The following TMEM14B variants were observed in gnomAD, a reference collection of about 807,000 sequenced individuals.
TMEM14B encodes transmembrane protein 14B.
Under a neutral mutation model 14.8 loss-of-function variants are expected in TMEM14B, and 9 were observed. The observed-to-expected ratio is 0.61, with a 90% CI of 0.37 to 1.06. The LOEUF is 1.06. TMEM14B is among the 50% of genes least tolerant of loss of function. TMEM14B has a pLI of 0.01. For missense variants in TMEM14B, 128 were observed against 143.6 expected (o/e 0.89, Z 0.56); for synonymous variants, 40 against 51.3 (o/e 0.78, Z 0.94).
In TMEM14B at chr6:10,749,717, T is replaced by C. The variant is rs1229914356; in HGVS notation, c.100+19T>C. 6.2e-7 allele frequency: 1 copy of C among 1,613,582 alleles called. No homozygotes were observed. The highest frequency in any genetic ancestry group is 1.3e-5 in the African/African-American group (1 of 75,032). On this transcript the variant is annotated intron_variant, in intron 3 of 5. Transcript: ENST00000379542. The stretch of plus-strand genomic sequence containing the variant: ...AAAACAGGTAGGGTTTTGTTGTTAC[T>C]TAGCCTCTTAACATCTTCACGTTGT...
intron 4 of TMEM14B, among the ~76,000 whole-genome samples, chr6:10,753,361 A>G (rs1399499030): frequency 1.3e-5 from 2 of 152,064 alleles, no homozygotes; most frequent in African/African-American, 4.8e-5. Flanking sequence ...GTGTTTGTAC[A>G]AAATCCAATG....
chr6:10,755,785 C>T lies in TMEM14B; in HGVS notation c.293+553C>T, dbSNP rs551356179. 86 of 518,622 alleles carry T rather than the reference C, an allele frequency of 1.7e-4. No individual in the cohort carries two copies. In the African/African-American group the frequency reaches 1.7e-3, roughly 11 times the overall value. 32.1% of individuals were successfully genotyped at this position (518,622 alleles called of 1,614,324 possible). ...GCCTGGCCAACATGGTGAAACTCCT[C>T]TCTATGAAAAATACAAAAATTAGGT... On this transcript the variant is annotated intron_variant, in intron 5 of 5. Coordinates refer to ENST00000379542, the MANE Select transcript of TMEM14B (RefSeq NM_030969.5).
intron 1 of TMEM14B, among the ~76,000 whole-genome samples, chr6:10,748,100 T>A (rs944063780): frequency 6.6e-5 from 10 of 152,174 alleles, no homozygotes; most frequent in Admixed American, 1.3e-4. Flanking sequence ...AGGCTTACCC[T>A]TGTAGCATAG....
chr6:10,748,134 T>C (rs900084110), intron 1 of TMEM14B, among the ~76,000 whole-genome samples: 4 of 152,200 alleles, frequency 2.6e-5, no homozygotes, highest in Non-Finnish European at 4.4e-5. Context: ...CCTGGTGGTT[T>C]TGTTGCTCCA....
rs1262857988 is a variant in TMEM14B, at chr6:10,747,874, T to A, written c.-52T>A. 1 of 152,320 alleles carries A rather than the reference T, an allele frequency of 6.6e-6. No homozygotes were observed. Among genetic ancestry groups the A allele is most frequent in the African/African-American group, 2.4e-5 (1 of 41,478 alleles). 9.4% of individuals were successfully genotyped at this position (152,320 alleles called of 1,614,324 possible). On this transcript the variant is annotated 5_prime_UTR_variant, in exon 1 of 6. Coordinates refer to ENST00000379542, the MANE Select transcript of TMEM14B (RefSeq NM_030969.5). ...CGCTCCGTAGTGGACTCCGCGGGCC[T>A]TCGGCAGGTCGGTGCAGGTCTTTGG...
intron 3 of TMEM14B, 32 bp downstream of exon 3, chr6:10,749,730 A>T (rs1355133706): frequency 6.2e-7 from 1 of 1,611,714 alleles, no homozygotes; most frequent in Admixed American, 1.7e-5. Context: ...GCCTCTTAAC[A>T]TCTTCACGTT....
intron 5 of TMEM14B, chr6:10,755,544 C>A (rs1771772173): frequency 7.4e-7 from 1 of 1,343,462 alleles, no homozygotes; most frequent in African/African-American, 1.5e-5. Context: ...GTGGGGGTCC[C>A]ATATTTCTTA....
chr6:10,748,538 C>T (rs987323840), intron 1 of TMEM14B, among the ~76,000 whole-genome samples: 1 of 152,216 alleles, frequency 6.6e-6, no homozygotes, highest in African/African-American at 2.4e-5. Context: ...CAGGCGTGAG[C>T]CACTTTGCCT....
chr6:10,755,569 T>C (rs1771772810), intron 5 of TMEM14B: 1 of 1,274,986 alleles, frequency 7.8e-7, no homozygotes, highest in African/African-American at 1.5e-5. Context: ...TGTAGGTGTC[T>C]TTTGTAGAAA....
In TMEM14B at chr6:10,749,195, T is replaced by A; in HGVS notation, c.-44-7T>A. 6.2e-7 allele frequency: 1 copy of A among 1,602,490 alleles called. No individual in the cohort carries two copies. On this transcript the variant is annotated splice_polypyrimidine_tract_variant and splice_region_variant and intron_variant, in intron 1 of 5. Coordinates refer to ENST00000379542, the MANE Select transcript of TMEM14B (RefSeq NM_030969.5). ...TAACCACTGCTGATCCGGCTTGTTTTCCCCAGATGCAGGCCTGGGGTAGTC... is the reference window on the plus strand; with the variant it reads ...TAACCACTGCTGATCCGGCTTGTTTACCCCAGATGCAGGCCTGGGGTAGTC...
chr6:10,749,202 A>T lies in TMEM14B; in HGVS notation c.-44A>T, dbSNP rs761223223. ...TGCTGATCCGGCTTGTTTTCCCCAG[A>T]TGCAGGCCTGGGGTAGTCTCCTTTC... On this transcript the variant is annotated splice_region_variant and 5_prime_UTR_variant, in exon 2 of 6. The change abolishes an upstream ATG in the 5' untranslated region. Transcript: ENST00000379542. The T allele has an allele frequency of 5.0e-6, 8 of 1,609,630 alleles. No homozygotes were observed. In the Admixed American group the frequency reaches 1.2e-4, roughly 24 times the overall value.
chr6:10,749,658 A>C lies in TMEM14B; in HGVS notation c.60A>C (p.Ala20=), dbSNP rs1346232971. 2 of 1,614,240 alleles carry C rather than the reference A, an allele frequency of 1.2e-6. No individual in the cohort carries two copies. Among genetic ancestry groups the C allele is most frequent in the Admixed American group, 1.7e-5 (1 of 60,032 alleles). ...ATTGGTTTGGCTTTGGCTACACAGCACTGGTTGTTTCTGGTGGGATCGTTG... is the reference window on the plus strand; with the variant it reads ...ATTGGTTTGGCTTTGGCTACACAGCCCTGGTTGTTTCTGGTGGGATCGTTG... ...PLHWFGFGYT[A]LVVSGGIVGY... The change falls in exon 3 of 6, where the codon GCA becomes GCC. Residue 20 remains alanine (A), a synonymous_variant. Transcript: ENST00000379542.
downstream of TMEM14B, among the ~76,000 whole-genome samples, chr6:10,758,483 C>T (rs147717852): frequency 1.3e-5 from 2 of 152,324 alleles, no homozygotes; most frequent in African/African-American, 4.8e-5. Context: ...GCCCTCATCC[C>T]TGCTTCTCTG....
In TMEM14B at chr6:10,752,315, C is replaced by A. The variant is rs972886414; in HGVS notation, c.202+1081C>A. Among the ~76,000 whole-genome samples the A allele has an allele frequency of 8.6e-5, 13 of 152,036 alleles. 1 individual carries two copies. Among genetic ancestry groups the A allele is most frequent in the African/African-American group, 1.2e-4 (5 of 41,292 alleles). ...TCCAACACCAGTGTCTTCCTCTGGGCTTTGGGTGTCTTCTCCCTGACCGTC... is the reference window on the plus strand; with the variant it reads ...TCCAACACCAGTGTCTTCCTCTGGGATTTGGGTGTCTTCTCCCTGACCGTC... On this transcript the variant is annotated intron_variant, in intron 4 of 5. Transcript: ENST00000379542.
intron 1 of TMEM14B, 105 bp from the exon 2 acceptor site, chr6:10,749,097 G>C: frequency 1.4e-6 from 1 of 712,282 alleles, no homozygotes; most frequent in Non-Finnish European, 2.5e-6. Flanking sequence ...GTACAGTGAA[G>C]GATACTGAGA....
rs767689842 is a variant in TMEM14B, at chr6:10,751,202, A to C, written c.170A>C (p.Tyr57Ser). Residue 57 changes from tyrosine to serine, a missense_variant, in exon 4 of 6, where the codon TAT (tyrosine) becomes TCT (serine). Physicochemically the swap from Tyr to Ser is moderately radical, Grantham distance 144. Coordinates refer to ENST00000379542, the MANE Select transcript of TMEM14B (RefSeq NM_030969.5). ...SLAGLGAYQL[Y>S]QDPRNVWGFL... ...GCCGGCCTGGGTGCTTACCAGCTGT[A>C]TCAGGATCCAAGGAACGTTTGGGGT... 111 of 1,613,802 alleles carry C rather than the reference A, an allele frequency of 6.9e-5. No homozygotes were observed. Among genetic ancestry groups the C allele is most frequent in the Middle Eastern group, 3.3e-4 (2 of 6,084 alleles).
downstream of TMEM14B, among the ~76,000 whole-genome samples, chr6:10,757,321 G>A (rs1019363140): frequency 1.4e-4 from 22 of 151,798 alleles, no homozygotes; most frequent in African/African-American, 5.1e-4. Context: ...ATACCACCTC[G>A]CTAATTTATT....
chr6:10,756,673 A>C lies in TMEM14B; in HGVS notation c.*155A>C, dbSNP rs1334541151. ...AAATTTGGCGGAGGGGTGGAAAATC[A>C]GTTGTTACCATTATAACCCTACAGA... On this transcript the variant is annotated 3_prime_UTR_variant, in exon 6 of 6. Transcript: ENST00000379542. The C allele has an allele frequency of 1.4e-6, 2 of 1,399,592 alleles. No individual in the cohort carries two copies. The highest frequency in any genetic ancestry group is 2.9e-5 in the African/African-American group (2 of 68,106). 86.7% of individuals were successfully genotyped at this position (1,399,592 alleles called of 1,614,324 possible). A position where few individuals can be genotyped will look rare whatever the true frequency, so the allele number is the denominator to read the frequency against.
intron 1 of TMEM14B, among the ~76,000 whole-genome samples, chr6:10,748,826 CAA>C (rs1192749287): frequency 6.6e-6 from 1 of 152,140 alleles, no homozygotes; most frequent in African/African-American, 2.4e-5. Context: ...TACCACCCCT[CAA>C]AAGAGACATT....
Sources: allele counts gnomAD v4.1 joint callset (sites outside exome capture counted in the v4.1 genomes callset), GRCh38; gene constraint gnomAD v4.1.1; transcripts MANE v1.5; gene names NCBI Gene and HGNC (gene_info 2026-07-23, HGNC 2026-07-21).